The following R3HDM1 variants were observed in gnomAD, a reference collection of about 807,000 sequenced individuals.
R3HDM1 encodes the protein R3H domain containing 1.
R3HDM1 carries 46 observed loss-of-function variants against 141.1 expected under a neutral mutation model. The ratio of observed to expected loss-of-function variants is 0.33; its 90% CI spans 0.26 to 0.42. The LOEUF (loss-of-function observed/expected upper bound fraction) is 0.42. R3HDM1 is among the 10% of genes least tolerant of loss of function. The pLI, the probability that R3HDM1 is intolerant of heterozygous loss-of-function variation, is 1.00. For synonymous variants in R3HDM1, 435 were observed against 472.9 expected (o/e 0.92, Z 1.04); for missense variants, 1,184 against 1,368.3 (o/e 0.87, Z 2.12).
At chr2:135,573,228 A>T (rs1345925490) in intron 1 of R3HDM1, among the ~76,000 whole-genome samples, 1 of 152,272 alleles carries the variant, frequency 6.6e-6, no homozygotes, top group Non-Finnish European at 1.5e-5. Flanking sequence ...AGTAGTGGTC[A>T]TCGATCTACT....
Position 135,602,646 on chromosome 2 carries a change from C to T in R3HDM1, c.-103C>T. On this transcript the variant is annotated 5_prime_UTR_variant, in exon 2 of 27. Coordinates refer to ENST00000683871, the MANE Select transcript of R3HDM1 (RefSeq NM_001378107.1). ...CCTGGCTGACAACTGTGAAAAAGAA[C>T]CTTGGATTATTTTATTTTATTTTTG... The T allele has an allele frequency of 6.5e-7, 1 of 1,548,054 alleles. No individual in the cohort carries two copies. Among genetic ancestry groups the T allele is most frequent in the Non-Finnish European group, 8.7e-7 (1 of 1,146,346 alleles).
chr2:135,662,154 T>G (rs886860146), intron 19 of R3HDM1, among the ~76,000 whole-genome samples: 4 of 152,244 alleles, frequency 2.6e-5, no homozygotes, highest in African/African-American at 9.6e-5. Context: ...ACTCTAGGAG[T>G]TGAAGTGGAA....
intron 21 of R3HDM1, among the ~76,000 whole-genome samples, chr2:135,694,990 C>T (rs1378577183): frequency 6.6e-6 from 1 of 152,138 alleles, no homozygotes; most frequent in Non-Finnish European, 1.5e-5. Flanking sequence ...GACACTATCT[C>T]AATATGGAGG....
At chr2:135,555,444 A>T (rs182064600) in intron 1 of R3HDM1, among the ~76,000 whole-genome samples, 343 of 152,334 alleles carry the variant, frequency 2.3e-3, no homozygotes, top group African/African-American at 6.0e-3. Flanking sequence ...GAATCCTCAT[A>T]TACTGCCAGT....
chr2:135,544,977 A>G (rs576966544), intron 1 of R3HDM1, among the ~76,000 whole-genome samples: 1 of 152,326 alleles, frequency 6.6e-6, no homozygotes, highest in South Asian at 2.1e-4. Context: ...AAAAAAGAGC[A>G]TAGTGCTTTA....
chr2:135,604,018 A>G (rs2059843098), intron 2 of R3HDM1, among the ~76,000 whole-genome samples: 1 of 152,214 alleles, frequency 6.6e-6, no homozygotes, highest in Non-Finnish European at 1.5e-5. Flanking sequence ...AAACTCACTA[A>G]TGACATGAAA....
chr2:135,550,707 A>G (rs13420787), intron 1 of R3HDM1, among the ~76,000 whole-genome samples: 2,302 of 152,166 alleles, frequency 0.015, 50 homozygotes, highest in African/African-American at 0.051. Context: ...CAAAATTTCA[A>G]TATAAAATAT....
chr2:135,607,161 G>T (rs2060147096), intron 3 of R3HDM1: 1 of 208,936 alleles, frequency 4.8e-6, no homozygotes, highest in African/African-American at 2.4e-5. Flanking sequence ...GCTAATTTTT[G>T]TATTTTTTGT....
At chr2:135,584,433 A>G (rs990855420) in intron 1 of R3HDM1, 31 of 919,742 alleles carry the variant, frequency 3.4e-5, no homozygotes, top group African/African-American at 5.4e-5. Context: ...CCACAACATC[A>G]TTAGAAACCT....
rs1175499044 is a variant in R3HDM1 at position 135,636,335 on chromosome 2, CT to C, written c.903+154del. 4 of 1,338,876 alleles carry C rather than the reference CT, an allele frequency of 3.0e-6. No individual in the cohort carries two copies. In the African/African-American group the frequency reaches 6.0e-5, roughly 20 times the overall value. 82.9% of individuals were successfully genotyped at this position (1,338,876 alleles called of 1,614,324 possible). A position where few individuals can be genotyped will look rare whatever the true frequency, so the allele number is the denominator to read the frequency against. The stretch of plus-strand genomic sequence containing the variant: ...TTTAGAAATATTGAGATCAGTTTTG[CT>C]TGTGTTATTAATAGTTTATAAAATA... On this transcript the variant is annotated intron_variant, in intron 11 of 26. Coordinates refer to ENST00000683871, the MANE Select transcript of R3HDM1 (RefSeq NM_001378107.1).
intron 1 of R3HDM1, among the ~76,000 whole-genome samples, chr2:135,540,134 C>T (rs1185014038): frequency 6.6e-6 from 1 of 152,128 alleles, no homozygotes; most frequent in African/African-American, 2.4e-5. Flanking sequence ...GAGTAGAGTC[C>T]ATCTCAAGAA....
intron 9 of R3HDM1, 148 bp downstream of exon 9, chr2:135,632,149 A>G (rs1405417661): frequency 1.9e-5 from 13 of 688,130 alleles, no homozygotes; most frequent in African/African-American, 5.6e-5. Context: ...TGAAAAACAC[A>G]TTTAGTTTAC....
chr2:135,654,891 T>C (rs2065627034), intron 18 of R3HDM1, among the ~76,000 whole-genome samples: 1 of 151,340 alleles, frequency 6.6e-6, no homozygotes, highest in Non-Finnish European at 1.5e-5. Context: ...TGTGTGTGTG[T>C]GTGTGTGTGT....
At chr2:135,655,200 G>A (rs1384869423) in intron 18 of R3HDM1, among the ~76,000 whole-genome samples, 1 of 151,848 alleles carries the variant, frequency 6.6e-6, no homozygotes, top group Non-Finnish European at 1.5e-5. Context: ...TTTGAATATT[G>A]GCGTGAGGCA....
intron 1 of R3HDM1, chr2:135,590,551 A>G (rs771711115): frequency 1.0e-6 from 1 of 985,280 alleles, no homozygotes; most frequent in Non-Finnish European, 1.2e-6. Context: ...AAAATCTGAA[A>G]TGCATTAAAC....
At chr2:135,638,596 T>C (rs375715180) in intron 11 of R3HDM1, 22 bp from the exon 12 acceptor site, 1 of 1,593,908 alleles carries the variant, frequency 6.3e-7, no homozygotes, top group Non-Finnish European at 8.6e-7. Flanking sequence ...GCTCAACTTT[T>C]TGTATCTATT....
chr2:135,547,788 T>TC (rs1699040734), intron 1 of R3HDM1, among the ~76,000 whole-genome samples: 1 of 124,858 alleles, frequency 8.0e-6, no homozygotes, highest in South Asian at 2.6e-4. Flanking sequence ...TTTTTTTTTT[T>TC]CTTGAGACAG....
rs774949730 is a variant in R3HDM1 at position 135,616,775 on chromosome 2, A to G, written c.303+18A>G. 2 of 1,539,008 alleles carry G rather than the reference A, an allele frequency of 1.3e-6. No individual in the cohort carries two copies. Among genetic ancestry groups the G allele is most frequent in the East Asian group, 2.3e-5 (1 of 44,196 alleles). ...AGAACCAGGTAAAAAAGCAAAACAA[A>G]TGTTATTTCAAGACATGGTGGAACT... On this transcript the variant is annotated intron_variant, in intron 5 of 26. Transcript: ENST00000683871.
chr2:135,600,103 AT>A (rs1047714227), intron 1 of R3HDM1, among the ~76,000 whole-genome samples: 5,919 of 93,576 alleles, frequency 0.063, 91 homozygotes, highest in South Asian at 0.16. Context: ...AGTTCGTATG[AT>A]TTTTTTTTTT....
Sources: allele counts gnomAD v4.1 joint callset (sites outside exome capture counted in the v4.1 genomes callset), GRCh38; gene constraint gnomAD v4.1.1; transcripts MANE v1.5; gene names NCBI Gene and HGNC (gene_info 2026-07-23, HGNC 2026-07-21).